ZNF260: variants seen among roughly 807,000 people sequenced by gnomAD.
ZNF260 encodes the protein zinc finger protein 260.
ZNF260 carries 21 observed loss-of-function variants against 29.3 expected under a neutral mutation model. The ratio of observed to expected loss-of-function variants is 0.72; its 90% confidence interval spans 0.51 to 1.03. The LOEUF is 1.03. ZNF260 is among the 50% of genes least tolerant of loss of function. The pLI, the probability that ZNF260 is intolerant of heterozygous loss-of-function variation, is 0.00. For synonymous variants in ZNF260, 156 were observed against 156.8 expected (o/e 0.99, Z 0.04); for missense variants, 465 against 487.8 (o/e 0.95, Z 0.44).
chr19:36,520,415 T>G (rs2034624242), intron 2 of ZNF260, among the ~76,000 whole-genome samples: 1 of 152,126 alleles, frequency 6.6e-6, no homozygotes, highest in Non-Finnish European at 1.5e-5. Context: ...ACTATTTTGT[T>G]AAACCCCATG....
chr19:36,527,447 T>A (rs1404349533), intron 1 of ZNF260, among the ~76,000 whole-genome samples: 1 of 152,198 alleles, frequency 6.6e-6, no homozygotes, highest in Non-Finnish European at 1.5e-5. Flanking sequence ...TATCTTTGTA[T>A]ACACAAGAAA....
At chr19:36,524,985 C>T (rs10421461) in intron 2 of ZNF260, 170 bp downstream of exon 2, 13,321 of 152,074 alleles carry the variant, frequency 0.088, 635 homozygotes, top group African/African-American at 0.13. Flanking sequence ...CTGGAAATGT[C>T]ATTTAGGTAT....
At chr19:36,520,396 A>G (rs543864337) in intron 2 of ZNF260, among the ~76,000 whole-genome samples, 29 of 152,192 alleles carry the variant, frequency 1.9e-4, no homozygotes, top group Non-Finnish European at 1.6e-4. Context: ...GAAAATATGG[A>G]TAGTACAGAC....
rs61184857 is a variant in ZNF260, at chr19:36,524,517, G to GTTTT, written c.-462+634_-462+637dup. On this transcript the variant is annotated intron_variant, in intron 2 of 2. Coordinates refer to ENST00000523638, the MANE Select transcript of ZNF260 (RefSeq NM_001166037.2). ...TTTAAAGAAAATAACTTACATGCTAGTTTTTTTTTTTTTTTTTATTGATCA... is the reference window on the plus strand; with the variant it reads ...TTTAAAGAAAATAACTTACATGCTAGTTTTTTTTTTTTTTTTTTTTTATTGATCA... Among the ~76,000 whole-genome samples the GTTTT allele has an allele frequency of 3.5e-3, 317 of 90,970 alleles. 18 individuals carry two copies. The highest frequency in any genetic ancestry group is 0.011 in the African/African-American group (283 of 24,764). 59.7% of individuals were successfully genotyped at this position (90,970 alleles called of 152,430 possible).
Position 36,514,842 on chromosome 19 carries a change from T to A in ZNF260, c.397A>T (p.Thr133Ser), listed in dbSNP as rs747595794. 1 of 1,614,054 alleles carries A rather than the reference T, an allele frequency of 6.2e-7. No individual in the cohort carries two copies. Among genetic ancestry groups the A allele is most frequent in the African/African-American group, 1.3e-5 (1 of 75,040 alleles). Residue 133 changes from threonine to serine, a missense_variant, in exon 3 of 3, where the codon ACC becomes TCC. Transcript: ENST00000523638. ...CATTCCTTACATGCATAGGGTTTGG[T>A]TCCTGTATGATTTTTCTGGTGTCTG... Reference protein sequence around the residue: ...IIRHQKNHTGTKPYACKECGK... With the variant: ...IIRHQKNHTGSKPYACKECGK...
At chr19:36,523,311 C>T (rs1006562111) in intron 2 of ZNF260, among the ~76,000 whole-genome samples, 2 of 152,182 alleles carry the variant, frequency 1.3e-5, no homozygotes, top group African/African-American at 2.4e-5. Flanking sequence ...AGCCTCCTTA[C>T]CAGTCTTGCT....
chr19:36,514,551 T>C lies in ZNF260; in HGVS notation c.688A>G (p.Ile230Val), dbSNP rs140288809. Reference protein sequence around the residue: ...YECKGCGKAFIQKSSLIRHQR... With the variant: ...YECKGCGKAFVQKSSLIRHQR... ...TGTCTAATGAGGCTTGACTTCTGAA[T>C]GAAAGCTTTCCCACACCCTTTACAT... Residue 230 changes from isoleucine to valine, a missense_variant, in exon 3 of 3, where the codon ATT becomes GTT. Ile to Val is a conservative substitution (Grantham distance 29, BLOSUM62 3). Coordinates refer to ENST00000523638, the MANE Select transcript of ZNF260 (RefSeq NM_001166037.2). 6.2e-7 allele frequency: 1 copy of C among 1,614,084 alleles called. No individual in the cohort carries two copies.
At chr19:36,516,413 C>T (rs1290326459) in intron 2 of ZNF260, among the ~76,000 whole-genome samples, 1 of 152,016 alleles carries the variant, frequency 6.6e-6, no homozygotes, top group Admixed American at 6.6e-5. Flanking sequence ...CTTGGTAACA[C>T]AGCGAGACTC....
At position 36,514,810 on chromosome 19, in the gene ZNF260, T is replaced by G; in HGVS notation, c.429A>C (p.Lys143Asn). Residue 143 changes from lysine (K) to asparagine (N), a missense_variant, in exon 3 of 3, where the codon AAA becomes AAC. By Grantham distance (94) the Lys-to-Asn change is moderately conservative. Transcript: ENST00000523638. ...TGAGATATGCTTTGCCGTTAAAGGC[T>G]TTGCCACATTCCTTACATGCATAGG... is the stretch of plus-strand genomic sequence containing the variant. The part of the protein sequence containing the change: ...TKPYACKECG[K>N]AFNGKAYLTE... 6.2e-7 allele frequency: 1 copy of G among 1,614,016 alleles called. No homozygotes were observed. The highest frequency in any genetic ancestry group is 8.5e-7 in the Non-Finnish European group (1 of 1,180,020).
chr19:36,516,562 A>G (rs2034553211), intron 2 of ZNF260, among the ~76,000 whole-genome samples: 1 of 152,154 alleles, frequency 6.6e-6, no homozygotes. Flanking sequence ...TGTCTGGGTG[A>G]CAGTGCAAGA....
intron 2 of ZNF260, among the ~76,000 whole-genome samples, chr19:36,524,517 G>GTTTTTTTTTTTTTGT (rs2034698236): frequency 2.2e-5 from 2 of 90,972 alleles, no homozygotes; most frequent in South Asian, 8.1e-4. Context: ...TTACATGCTA[G>GTTTTTTTTTTTTTGT]TTTTTTTTTT....
rs978960825 is a variant in ZNF260, at chr19:36,511,159, G to A, written c.*2841C>T. 2.0e-5 allele frequency: 3 copies of A among 152,050 alleles called. No homozygotes were observed. Among genetic ancestry groups the A allele is most frequent in the Non-Finnish European group, 2.9e-5 (2 of 68,024 alleles). The allele number at this position is 152,050 out of a possible 1,614,324, so 9.4% of individuals were successfully genotyped here. On this transcript the variant is annotated 3_prime_UTR_variant, in exon 3 of 3. Coordinates refer to ENST00000523638, the MANE Select transcript of ZNF260 (RefSeq NM_001166037.2). ...GCTACAGTAATATTAACATTATATT[G>A]AGTTTAAAAGAAATTAATATATTTA...
At position 36,514,088 on chromosome 19, in the gene ZNF260, C is replaced by A; in HGVS notation, c.1151G>T (p.Gly384Val). The A allele has an allele frequency of 6.2e-7, 1 of 1,614,048 alleles. No homozygotes were observed. The highest frequency in any genetic ancestry group is 1.1e-5 in the South Asian group (1 of 91,080). ...TLALHMRIHT[G>V]EKPYQCSECG... ...TTCACTACACTGATAAGGTTTTTCACCAGTATGGATTCTCATGTGCAGAGC... is the reference window on the plus strand; with the variant it reads ...TTCACTACACTGATAAGGTTTTTCAACAGTATGGATTCTCATGTGCAGAGC... The change falls in exon 3 of 3, where the codon GGT becomes GTT. Residue 384 changes from glycine to valine, a missense_variant. Coordinates refer to ENST00000523638, the MANE Select transcript of ZNF260 (RefSeq NM_001166037.2).
At position 36,511,637 on chromosome 19, in the gene ZNF260, AC is replaced by A. The variant is rs1159921878; in HGVS notation, c.*2362del. On this transcript the variant is annotated 3_prime_UTR_variant, in exon 3 of 3. Transcript: ENST00000523638. Reference sequence around the variant, plus strand: ...TTGCACTGCAGCCTGGGCAACAAGAACAAAACTCCGTCTCAAAAAAAAAAAA... The same window carrying A: ...TTGCACTGCAGCCTGGGCAACAAGAAAAAACTCCGTCTCAAAAAAAAAAAA... The A allele has an allele frequency of 6.6e-6, 1 of 151,034 alleles. No homozygotes were observed. The highest frequency in any genetic ancestry group is 1.5e-5 in the Non-Finnish European group (1 of 67,738). The allele number at this position is 151,034 out of a possible 1,614,324, so 9.4% of individuals were successfully genotyped here. A position where few individuals can be genotyped will look rare whatever the true frequency, so the allele number is the denominator to read the frequency against.
intron 2 of ZNF260, among the ~76,000 whole-genome samples, chr19:36,517,871 T>C (rs2034578003): frequency 6.6e-6 from 1 of 151,800 alleles, no homozygotes; most frequent in South Asian, 2.1e-4. Context: ...TCTCGCTCTG[T>C]TGCCCAGGCT....
intron 2 of ZNF260, among the ~76,000 whole-genome samples, chr19:36,522,500 T>C (rs1341685125): frequency 2.0e-5 from 3 of 152,022 alleles, no homozygotes; most frequent in Non-Finnish European, 4.4e-5. Flanking sequence ...CACCACAAGG[T>C]TGGCAAACTA....
intron 1 of ZNF260, among the ~76,000 whole-genome samples, chr19:36,526,836 A>G (rs745967333): frequency 1.6e-4 from 24 of 152,234 alleles, no homozygotes; most frequent in Non-Finnish European, 3.1e-4. Context: ...CAGCAAACAT[A>G]TACATTTATG....
Position 36,515,093 on chromosome 19 carries a change from T to G in ZNF260, c.146A>C (p.His49Pro), listed in dbSNP as rs1003947656. ...KQNLVEHKKM[H>P]TGEKSHECTE... ...GCATTCATGAGATTTCTCTCCAGTA[T>G]GCATTTTCTTATGCTCTACAAGGTT... Residue 49 changes from histidine (H) to proline (P), a missense_variant, in exon 3 of 3, where the codon CAT becomes CCT. Physicochemically the swap from His to Pro is moderately conservative, Grantham distance 77. Transcript: ENST00000523638. 4.3e-6 allele frequency: 7 copies of G among 1,614,038 alleles called. No individual in the cohort carries two copies. The African/African-American group carries it at 9.3e-5, about 22-fold the overall frequency.
Position 36,514,022 on chromosome 19 carries a change from T to C in ZNF260, c.1217A>G (p.His406Arg). ...AFSQKSHHIR[H>R]QRIHTH ...ACTTTAATGAGTATGAATTCTCTGG[T>C]GTCTAATGTGATGTGACTTTTGGCT... The change falls in exon 3 of 3, where the codon CAC (histidine) becomes CGC (arginine). Residue 406 changes from histidine (H) to arginine (R), a missense_variant. By Grantham distance (29) the His-to-Arg change is conservative. Coordinates refer to ENST00000523638, the MANE Select transcript of ZNF260 (RefSeq NM_001166037.2). 6.2e-7 allele frequency: 1 copy of C among 1,613,424 alleles called. No homozygotes were observed. The highest frequency in any genetic ancestry group is 8.5e-7 in the Non-Finnish European group (1 of 1,179,494).
Sources: allele counts gnomAD v4.1 joint callset (sites outside exome capture counted in the v4.1 genomes callset), GRCh38; gene constraint gnomAD v4.1.1; transcripts MANE v1.5; gene names NCBI Gene and HGNC (gene_info 2026-07-23, HGNC 2026-07-21).